The following LINGO2 variants were observed in gnomAD, a reference collection of about 807,000 sequenced individuals.
LINGO2 encodes the protein leucine-rich repeat and immunoglobulin-like domain-containing nogo receptor-interacting protein 2.
A neutral mutation model predicts 30.6 loss-of-function variants in LINGO2; 14 were observed. The observed-to-expected ratio is 0.46, with a 90% CI of 0.30 to 0.72. LINGO2 has a LOEUF of 0.72. Among genes scored for constraint, LINGO2 ranks in the 30% least tolerant of loss-of-function variants. The probability of loss-of-function intolerance (pLI) is 0.07; values close to 1 mark genes in which losing one functional copy is unlikely to be tolerated. For missense variants in LINGO2, 729 were observed against 751.7 expected (o/e 0.97, Z 0.35); for synonymous variants, 317 against 288.5 (o/e 1.10, Z -1.00).
intron 1 of LINGO2, among the ~76,000 whole-genome samples, chr9:28,645,508 C>A (rs1324379184): frequency 6.6e-6 from 1 of 151,992 alleles, no homozygotes; most frequent in Non-Finnish European, 1.5e-5. Flanking sequence ...TAAAAGGCAA[C>A]GGGCCAAGAG....
At chr9:29,119,747 C>T in the LINGO2 span, among the ~76,000 whole-genome samples, 2 of 151,702 alleles carry the variant, frequency 1.3e-5, no homozygotes, top group Admixed American at 1.3e-4. Context: ...CCTGTAATTA[C>T]ACCACCACAC....
At chr9:27,952,295 G>A (rs1819352753) in intron 5 of LINGO2, among the ~76,000 whole-genome samples, 1 of 151,672 alleles carries the variant, frequency 6.6e-6, no homozygotes. Context: ...GAAATACATA[G>A]AACTAATATG....
the LINGO2 span, among the ~76,000 whole-genome samples, chr9:28,848,363 T>TTGTG: frequency 0.019 from 1,427 of 74,400 alleles, 12 homozygotes; most frequent in East Asian, 0.055. Flanking sequence ...TACACATATA[T>TTGTG]TGTGTGTGTG....
intron 2 of LINGO2, among the ~76,000 whole-genome samples, chr9:28,459,492 T>C (rs1383883529): frequency 1.6e-5 from 2 of 124,828 alleles, no homozygotes; most frequent in Non-Finnish European, 3.7e-5. Flanking sequence ...GAACATTTTC[T>C]ATGTGCCAGA....
intron 2 of LINGO2, among the ~76,000 whole-genome samples, chr9:28,423,210 T>A (rs58544246): frequency 0.13 from 19,266 of 152,008 alleles, 1,421 homozygotes; most frequent in East Asian, 0.24. Context: ...CACAATTTTT[T>A]AAAAAGTTTC....
intron 1 of LINGO2, among the ~76,000 whole-genome samples, chr9:28,667,447 A>G (rs1828848111): frequency 6.6e-6 from 1 of 151,914 alleles, no homozygotes; most frequent in Non-Finnish European, 1.5e-5. Flanking sequence ...TAATCCTCTC[A>G]AACCTTCAAA....
At chr9:28,905,384 G>A in the LINGO2 span, among the ~76,000 whole-genome samples, 1 of 151,042 alleles carries the variant, frequency 6.6e-6, no homozygotes, top group Non-Finnish European at 1.5e-5. Context: ...TAAAACATTT[G>A]CAAACTATAC....
chr9:28,656,612 G>C (rs1214664215), intron 1 of LINGO2, among the ~76,000 whole-genome samples: 1 of 152,100 alleles, frequency 6.6e-6, no homozygotes, highest in Non-Finnish European at 1.5e-5. Flanking sequence ...ATGATAAAGA[G>C]AGATTGAGAT....
chr9:28,362,891 T>C (rs1331472661), intron 3 of LINGO2, among the ~76,000 whole-genome samples: 1 of 152,212 alleles, frequency 6.6e-6, no homozygotes, highest in Non-Finnish European at 1.5e-5. Context: ...TCTCCCAGCA[T>C]CTGAGCAAAA....
chr9:28,038,443 C>CA (rs1210969925), intron 4 of LINGO2, among the ~76,000 whole-genome samples: 7 of 152,096 alleles, frequency 4.6e-5, no homozygotes, highest in Admixed American at 1.3e-4. Context: ...CCTGTAATCC[C>CA]AGCACTTTGG....
chr9:28,907,905 G>A, the LINGO2 span, among the ~76,000 whole-genome samples: 1 of 151,638 alleles, frequency 6.6e-6, no homozygotes, highest in Admixed American at 6.6e-5. Flanking sequence ...ATGAAGTTCA[G>A]TAATTTAGGG....
the LINGO2 span, among the ~76,000 whole-genome samples, chr9:28,732,056 C>T: frequency 8.6e-5 from 13 of 151,992 alleles, no homozygotes; most frequent in South Asian, 4.2e-4. Flanking sequence ...CTGAACCTTC[C>T]GGGATTCTAG....
the LINGO2 span, among the ~76,000 whole-genome samples, chr9:28,947,248 G>T: frequency 0.16 from 24,324 of 151,672 alleles, 1,983 homozygotes; most frequent in South Asian, 0.2. Flanking sequence ...TAAACATTTC[G>T]TTAATTACAA....
At chr9:28,067,094 G>A (rs1053395712) in intron 4 of LINGO2, among the ~76,000 whole-genome samples, 1 of 151,928 alleles carries the variant, frequency 6.6e-6, no homozygotes, top group Admixed American at 6.6e-5. Context: ...CTTATTTTAT[G>A]CCAGCACTCA....
At chr9:29,189,047 C>T in the LINGO2 span, among the ~76,000 whole-genome samples, 5 of 109,284 alleles carry the variant, frequency 4.6e-5, no homozygotes, top group South Asian at 8.3e-4. Context: ...GGCGGCTGGC[C>T]GGGCGGGGGG....
At position 28,329,417 on chromosome 9, in the gene LINGO2, G is replaced by T. The variant is rs1213208898; in HGVS notation, c.-245-34051C>A. On this transcript the variant is annotated intron_variant, in intron 3 of 5. Coordinates refer to ENST00000379992, the Ensembl canonical transcript of LINGO2. This position sits in a 1 kb window ranked among gnomAD's most constrained non-coding sequence, Gnocchi z 4.5. ...TAACTTGAGGGCTTGGGCTAATAAG[G>T]TAGGGGCACACACCACGCTGTCTCT... Among the ~76,000 whole-genome samples the T allele has an allele frequency of 6.6e-6, 1 of 152,066 alleles. No homozygotes were observed. The highest frequency in any genetic ancestry group is 1.5e-5 in the Non-Finnish European group (1 of 68,006).
chr9:29,076,954 G>A, the LINGO2 span, among the ~76,000 whole-genome samples: 3 of 152,048 alleles, frequency 2.0e-5, no homozygotes, highest in Non-Finnish European at 4.4e-5. Context: ...AATAGCCTTT[G>A]CTTTTAACTG....
chr9:29,127,303 G>C, the LINGO2 span, among the ~76,000 whole-genome samples: 1 of 152,118 alleles, frequency 6.6e-6, no homozygotes, highest in Non-Finnish European at 1.5e-5. Context: ...AAAATACCAA[G>C]AGCCTGGATG....
the LINGO2 span, among the ~76,000 whole-genome samples, chr9:29,080,409 A>T: frequency 3.3e-5 from 5 of 150,576 alleles, no homozygotes; most frequent in Non-Finnish European, 7.4e-5. Context: ...GGATTCATTG[A>T]TTTTTTTTTA....
Sources: gnomAD v4.1 joint callset for allele counts (sites outside exome capture counted in the v4.1 genomes callset) on GRCh38, gnomAD v4.1.1 for gene constraint, Gnocchi (gnomAD v3.1) non-coding constraint, MANE v1.5 for transcripts, NCBI Gene and HGNC (gene_info 2026-07-23, HGNC 2026-07-21) for gene names.